The following PACRGL variants were observed in gnomAD, a reference collection of about 807,000 sequenced individuals.
The protein encoded by PACRGL is parkin coregulated like, also known as PACRG-like protein.
In PACRGL, 38 loss-of-function variants were observed where a neutral mutation model predicts 34.5. The ratio of observed to expected loss-of-function variants is 1.10; its 90% CI spans 0.85 to 1.44. PACRGL has a LOEUF of 1.44. Ranked by LOEUF, PACRGL falls within the 40% of genes most tolerant of loss-of-function variation. PACRGL has a pLI of 0.00. For synonymous variants in PACRGL, 128 were observed against 100.1 expected (o/e 1.28, Z -1.66); for missense variants, 305 against 281.4 (o/e 1.08, Z -0.60).
intron 7 of PACRGL, among the ~76,000 whole-genome samples, chr4:20,715,549 C>T (rs1347250475): frequency 6.6e-6 from 1 of 151,960 alleles, no homozygotes; most frequent in African/African-American, 2.4e-5. Flanking sequence ...AAAGCACCTA[C>T]ATGAGCAGAG....
At chr4:20,722,831 G>A (rs1216838733) in intron 7 of PACRGL, among the ~76,000 whole-genome samples, 3 of 152,272 alleles carry the variant, frequency 2.0e-5, no homozygotes, top group Admixed American at 6.5e-5. Flanking sequence ...GTTCTATACC[G>A]CATACTGATA....
chr4:20,716,284 A>G, intron 7 of PACRGL: 3 of 610,610 alleles, frequency 4.9e-6, no homozygotes, highest in Non-Finnish European at 8.6e-6. Flanking sequence ...ATGAGAGACC[A>G]GTCATGGAGT....
At chr4:20,722,485 G>A (rs142639027) in intron 7 of PACRGL, among the ~76,000 whole-genome samples, 2 of 152,166 alleles carry the variant, frequency 1.3e-5, no homozygotes, top group African/African-American at 4.8e-5. Flanking sequence ...TCTTCATGCA[G>A]TGTTTACTTC....
intron 7 of PACRGL, among the ~76,000 whole-genome samples, chr4:20,723,397 G>A (rs1175229635): frequency 6.6e-6 from 1 of 152,056 alleles, no homozygotes; most frequent in African/African-American, 2.4e-5. Flanking sequence ...AGTCCTTGTG[G>A]AGATTATTGG....
At chr4:20,748,015 A>T (rs532276625) in intron 8 of PACRGL, among the ~76,000 whole-genome samples, 1 of 152,248 alleles carries the variant, frequency 6.6e-6, no homozygotes, top group East Asian at 1.9e-4. Context: ...CAATACCTTT[A>T]CTGGAGTTCA....
chr4:20,708,910 T>C (rs1223464303), intron 4 of PACRGL, among the ~76,000 whole-genome samples: 2 of 151,424 alleles, frequency 1.3e-5, no homozygotes, highest in Non-Finnish European at 2.9e-5. Context: ...GTGGATCACC[T>C]GAGGTCAGGA....
chr4:20,732,836 C>T (rs1428296300), downstream of PACRGL: 7 of 1,108,142 alleles, frequency 6.3e-6, no homozygotes, highest in Non-Finnish European at 9.4e-6. Flanking sequence ...ATGAAGAAAC[C>T]AGTCTAAGAA....
At chr4:20,700,225 T>C (rs2149015863), upstream of PACRGL, among the ~76,000 whole-genome samples, 1 of 152,314 alleles carries the variant, frequency 6.6e-6, no homozygotes, top group African/African-American at 2.4e-5. Context: ...TCATCGTCCC[T>C]CTGCTCTCCG....
Position 20,730,511 on chromosome 4 carries a change from T to G in PACRGL, c.*3170T>G, listed in dbSNP as rs1400827211. Among the ~76,000 whole-genome samples, 1 of 152,172 alleles carries G rather than the reference T, an allele frequency of 6.6e-6. No individual in the cohort carries two copies. Among genetic ancestry groups the G allele is most frequent in the Non-Finnish European group, 1.5e-5 (1 of 68,032 alleles). Reference sequence around the variant, plus strand: ...TCACAGGCCAAATCACACAGACTTTTATACAGGTACAAGGAAAATTTGTGT... The same window carrying G: ...TCACAGGCCAAATCACACAGACTTTGATACAGGTACAAGGAAAATTTGTGT... On this transcript the variant is annotated 3_prime_UTR_variant, in exon 9 of 9. Transcript: ENST00000503585.
chr4:20,734,573 A>T, downstream of PACRGL: 1 of 837,040 alleles, frequency 1.2e-6, no homozygotes, highest in Non-Finnish European at 1.8e-6. Context: ...AATATTTTAA[A>T]GTTAAGAAAT....
At chr4:20,760,170 T>C in the PACRGL span, among the ~76,000 whole-genome samples, 4 of 152,124 alleles carry the variant, frequency 2.6e-5, no homozygotes, top group African/African-American at 9.7e-5. Flanking sequence ...TTAGTCTCTT[T>C]TAGTAGATTC....
At position 20,709,705 on chromosome 4, in the gene PACRGL, C is replaced by T; in HGVS notation, c.298C>T (p.His100Tyr). ...PCRLVHGSVK[H>Y]RLQWECPPES... ...TAGATTGGTACATGGTTCAGTAAAA[C>T]ACAGATTACAGTGGGAATGTCCTCC... Residue 100 changes from histidine (H) to tyrosine (Y), a missense_variant, in exon 5 of 9, where the codon CAC (histidine) becomes TAC (tyrosine). Transcript: ENST00000503585. 6.2e-7 allele frequency: 1 copy of T among 1,607,630 alleles called. No homozygotes were observed. Among genetic ancestry groups the T allele is most frequent in the Non-Finnish European group, 8.5e-7 (1 of 1,175,410 alleles).
At chr4:20,713,237 T>A (rs1738153181) in intron 6 of PACRGL, 195 bp from the exon 7 acceptor site, 1 of 577,804 alleles carries the variant, frequency 1.7e-6, no homozygotes, top group Non-Finnish European at 3.0e-6. Flanking sequence ...GATGGAAAAT[T>A]TGTTTTTTGC....
intron 5 of PACRGL, among the ~76,000 whole-genome samples, chr4:20,710,332 G>C (rs1238639612): frequency 6.6e-6 from 1 of 152,084 alleles, no homozygotes; most frequent in Non-Finnish European, 1.5e-5. Context: ...TTTGTGTCAG[G>C]AAAAATGTTG....
intron 1 of PACRGL, chr4:20,702,328 C>A: frequency 2.5e-6 from 1 of 395,272 alleles, no homozygotes; most frequent in Non-Finnish European, 5.1e-6. Context: ...TCTGTTGCAG[C>A]TGTTAACAAT....
At chr4:20,724,336 A>C (rs528793047) in intron 7 of PACRGL, among the ~76,000 whole-genome samples, 60 of 152,298 alleles carry the variant, frequency 3.9e-4, no homozygotes, top group South Asian at 3.9e-3. Context: ...GAGTGTATAC[A>C]GATTCAGTAG....
intron 3 of PACRGL, among the ~76,000 whole-genome samples, chr4:20,706,238 G>A (rs757754002): frequency 3.3e-5 from 5 of 152,012 alleles, no homozygotes; most frequent in Non-Finnish European, 2.9e-5. Context: ...AAATTGAAAG[G>A]CAAAGAAAGG....
rs182763172 is a variant in PACRGL at position 20,731,167 on chromosome 4, T to G, written c.*3826T>G. On this transcript the variant is annotated 3_prime_UTR_variant, in exon 9 of 9. Transcript: ENST00000503585. ...TGGCACAATCATGGCTCAACAGGGATCAAGTGATCTTCCTGCCTCAGCCTC... is the reference window on the plus strand; with the variant it reads ...TGGCACAATCATGGCTCAACAGGGAGCAAGTGATCTTCCTGCCTCAGCCTC... Among the ~76,000 whole-genome samples the G allele has an allele frequency of 3.9e-5, 6 of 152,264 alleles. No individual in the cohort carries two copies. In the East Asian group the frequency reaches 1.2e-3, roughly 29 times the overall value.
chr4:20,734,127 A>C (rs1382259529), downstream of PACRGL, among the ~76,000 whole-genome samples: 1 of 152,088 alleles, frequency 6.6e-6, no homozygotes, highest in Non-Finnish European at 1.5e-5. Flanking sequence ...CTGTGTTTTA[A>C]ATTGGTTTAA....
Sources: gnomAD v4.1 joint callset for allele counts (sites outside exome capture counted in the v4.1 genomes callset) on GRCh38, gnomAD v4.1.1 for gene constraint, MANE v1.5 for transcripts, NCBI Gene and HGNC (gene_info 2026-07-23, HGNC 2026-07-21) for gene names.